The following GRK3 variants were observed in gnomAD, a reference collection of about 807,000 sequenced individuals.
GRK3 encodes the protein adrenergic, beta, receptor kinase 2.
A neutral mutation model predicts 95.7 loss-of-function variants in GRK3; 54 were observed. The observed-to-expected ratio is 0.56, with a 90% confidence interval of 0.45 to 0.71. The LOEUF (loss-of-function observed/expected upper bound fraction) is 0.71, where lower values mean the gene tolerates loss of function less well. GRK3 is among the 30% of genes least tolerant of loss of function. The probability of loss-of-function intolerance (pLI) is 0.00; values close to 1 mark genes in which losing one functional copy is unlikely to be tolerated. For synonymous variants in GRK3, 281 were observed against 290.8 expected, an observed-to-expected ratio of 0.97 and a Z score of 0.34; for missense variants, 649 against 851.2, an observed-to-expected ratio of 0.76 and a Z score of 2.96.
chr22:25,708,637 G>A (rs1029435947), intron 15 of GRK3, among the ~76,000 whole-genome samples: 1 of 152,018 alleles, frequency 6.6e-6, no homozygotes, highest in Non-Finnish European at 1.5e-5. Context: ...TCCCCCATGC[G>A]GGCTTTTCCT....
At chr22:25,662,876 G>A (rs1246810633) in intron 4 of GRK3, among the ~76,000 whole-genome samples, 4 of 152,134 alleles carry the variant, frequency 2.6e-5, no homozygotes, top group African/African-American at 9.7e-5. Flanking sequence ...AGTTTGGAGA[G>A]GGGAGGATAC....
At chr22:25,627,381 C>T (rs889251270) in intron 2 of GRK3, among the ~76,000 whole-genome samples, 7 of 152,170 alleles carry the variant, frequency 4.6e-5, no homozygotes, top group East Asian at 3.9e-4. Flanking sequence ...GCCTCCTTGG[C>T]GTAATAAAGC....
chr22:25,648,373 C>A, intron 3 of GRK3: 1 of 1,313,100 alleles, frequency 7.6e-7, no homozygotes, highest in Non-Finnish European at 1.1e-6. Flanking sequence ...GTGTGTCCAA[C>A]TGTGAAACCT....
intron 2 of GRK3, among the ~76,000 whole-genome samples, chr22:25,635,916 G>A (rs147953548): frequency 8.5e-5 from 13 of 152,234 alleles, no homozygotes; most frequent in Admixed American, 5.9e-4. Context: ...TTAAGAAAGC[G>A]CTTTTCCTTC....
chr22:25,723,307 G>C lies in GRK3; in HGVS notation c.*857G>C, dbSNP rs2085448761. On this transcript the variant is annotated 3_prime_UTR_variant, in exon 21 of 21. Transcript: ENST00000324198. ...TCTCAGGTCTCGACAATTAGCAGTT[G>C]TGTGACAGTCATTCTGGTTCCTTCT... is the stretch of plus-strand genomic sequence containing the variant. The C allele has an allele frequency of 4.6e-5, 7 of 152,200 alleles. No homozygotes were observed. The highest frequency in any genetic ancestry group is 4.6e-4 in the Admixed American group (7 of 15,288). 9.4% of individuals were successfully genotyped at this position (152,200 alleles called of 1,614,324 possible). A position where few individuals can be genotyped will look rare whatever the true frequency, so the allele number is the denominator to read the frequency against.
chr22:25,705,154 A>G (rs1185835155), intron 15 of GRK3, among the ~76,000 whole-genome samples: 1 of 152,170 alleles, frequency 6.6e-6, no homozygotes, highest in East Asian at 1.9e-4. Flanking sequence ...AAAATTACCT[A>G]TTCCTGCTAT....
In GRK3 at chr22:25,699,919, C is replaced by T. The variant is rs186168035; in HGVS notation, c.1161-3591C>T. Among the ~76,000 whole-genome samples, 356 of 152,192 alleles carry T rather than the reference C, an allele frequency of 2.3e-3. 4 individuals are homozygous for T. In the Middle Eastern group the frequency reaches 0.031, roughly 13 times the overall value. On this transcript the variant is annotated intron_variant, in intron 13 of 20. Transcript: ENST00000324198. ...ATCACTGTGTTAGCCAGGATGGTCC[C>T]GATCTCCTGATCCCGTGATCTGCCC...
At chr22:25,637,447 G>C (rs2084710590) in intron 2 of GRK3, among the ~76,000 whole-genome samples, 1 of 152,312 alleles carries the variant, frequency 6.6e-6, no homozygotes, top group Admixed American at 6.5e-5. Context: ...TTTTATTGCT[G>C]AATAGTATTC....
At chr22:25,637,482 A>T (rs1302514524) in intron 2 of GRK3, among the ~76,000 whole-genome samples, 1 of 152,192 alleles carries the variant, frequency 6.6e-6, no homozygotes, top group Non-Finnish European at 1.5e-5. Context: ...ATCACAATCT[A>T]CTTATCTTCC....
chr22:25,679,395 ACTACCTG>A (rs1304124123), intron 9 of GRK3, among the ~76,000 whole-genome samples: 1 of 152,132 alleles, frequency 6.6e-6, no homozygotes. Flanking sequence ...CCTGCCTCTC[ACTACCTG>A]CTACTCTGTT....
chr22:25,570,794 C>A (rs762950588), intron 1 of GRK3, among the ~76,000 whole-genome samples: 1 of 152,140 alleles, frequency 6.6e-6, no homozygotes, highest in South Asian at 2.1e-4. Context: ...GAAGTTACAA[C>A]CCCTGGGCCC....
At chr22:25,694,410 C>T (rs746530527) in intron 12 of GRK3, among the ~76,000 whole-genome samples, 2 of 152,150 alleles carry the variant, frequency 1.3e-5, no homozygotes, top group Non-Finnish European at 2.9e-5. Flanking sequence ...GAAGGGCTTT[C>T]GAATTGCAGA....
chr22:25,663,792 A>G, intron 5 of GRK3, 88 bp downstream of exon 5: 1 of 883,270 alleles, frequency 1.1e-6, no homozygotes, highest in Non-Finnish European at 1.9e-6. Flanking sequence ...CAATTACACT[A>G]GAGGACTTGC....
At chr22:25,615,133 G>C (rs1601475594) in intron 2 of GRK3, among the ~76,000 whole-genome samples, 1 of 152,186 alleles carries the variant, frequency 6.6e-6, no homozygotes, top group Non-Finnish European at 1.5e-5. Flanking sequence ...TTAGCCAAGA[G>C]GTAAGCCTTG....
chr22:25,645,065 C>T (rs1267842729), intron 3 of GRK3, among the ~76,000 whole-genome samples: 1 of 152,050 alleles, frequency 6.6e-6, no homozygotes, highest in East Asian at 1.9e-4. Flanking sequence ...TCATAATGGA[C>T]TGACAAATTG....
chr22:25,652,640 C>T (rs960615524), intron 3 of GRK3, among the ~76,000 whole-genome samples: 2 of 151,848 alleles, frequency 1.3e-5, no homozygotes, highest in African/African-American at 4.8e-5. Context: ...TGTAATCAGT[C>T]AGGGATGTTT....
intron 3 of GRK3, among the ~76,000 whole-genome samples, chr22:25,651,243 T>C (rs1205895804): frequency 1.3e-5 from 2 of 152,220 alleles, no homozygotes; most frequent in Non-Finnish European, 2.9e-5. Context: ...AATGAAGGTC[T>C]AGTGTGTATG....
intron 1 of GRK3, among the ~76,000 whole-genome samples, chr22:25,590,538 C>T (rs1360418475): frequency 6.6e-6 from 1 of 152,182 alleles, no homozygotes; most frequent in Non-Finnish European, 1.5e-5. Context: ...AACAAACAAA[C>T]AGGCCGGGCG....
chr22:25,659,216 A>C (rs1179792766), intron 3 of GRK3, among the ~76,000 whole-genome samples: 1 of 152,180 alleles, frequency 6.6e-6, no homozygotes, highest in East Asian at 1.9e-4. Flanking sequence ...AGGTCACAGA[A>C]GTCAGAGAAG....
Sources: allele counts gnomAD v4.1 joint callset (sites outside exome capture counted in the v4.1 genomes callset), GRCh38; gene constraint gnomAD v4.1.1; transcripts MANE v1.5; gene names NCBI Gene and HGNC (gene_info 2026-07-23, HGNC 2026-07-21).